Variants in MARK1 observed in about 807,000 individuals in gnomAD.
MARK1 encodes serine/threonine-protein kinase MARK1.
A neutral mutation model predicts 96.3 loss-of-function variants in MARK1; 40 were observed. That is an observed-to-expected ratio of 0.42 (90% CI 0.32 to 0.54). MARK1 has a LOEUF of 0.54. MARK1 is among the 20% of genes least tolerant of loss of function. The pLI is 0.16. For missense variants in MARK1, 719 were observed against 984.6 expected (o/e 0.73, Z 3.61); for synonymous variants, 317 against 341.2 (o/e 0.93, Z 0.78).
Position 220,618,436 on chromosome 1 carries a change from C to G in MARK1, c.679C>G (p.Leu227Val). 1 of 1,614,146 alleles carries G rather than the reference C, an allele frequency of 6.2e-7. No homozygotes were observed. Among genetic ancestry groups the G allele is most frequent in the Non-Finnish European group, 8.5e-7 (1 of 1,180,020 alleles). The change falls in exon 8 of 18, where the codon CTT (leucine) becomes GTT (valine). Residue 227 changes from leucine (L) to valine (V), a missense_variant. Leu to Val is a conservative substitution (Grantham distance 32). This residue lies in a region of MARK1 where 96 missense variants were observed against 213.1 expected (regional missense o/e 0.45). Coordinates refer to ENST00000366917, the MANE Select transcript of MARK1 (RefSeq NM_018650.5). The surrounding 1 kb of genome is among the most constrained non-coding windows in gnomAD (Gnocchi z 4.6). Reference sequence around the variant, plus strand: ...AAGCCCACCCTATGCTGCTCCCGAGCTTTTCCAAGGAAAGAAGTATGATGG... The same window carrying G: ...AAGCCCACCCTATGCTGCTCCCGAGGTTTTCCAAGGAAAGAAGTATGATGG... The part of the protein sequence containing the change: ...CGSPPYAAPE[L>V]FQGKKYDGPE...
intron 7 of MARK1, among the ~76,000 whole-genome samples, chr1:220,616,988 C>A (rs1666790107): frequency 6.6e-6 from 1 of 152,142 alleles, no homozygotes; most frequent in East Asian, 1.9e-4. Context: ...CCTCAGAACC[C>A]CTTGCAGCTC....
intron 1 of MARK1, among the ~76,000 whole-genome samples, chr1:220,533,004 C>CT (rs57552621): frequency 0.32 from 17,115 of 53,948 alleles, 1,124 homozygotes; most frequent in Non-Finnish European, 0.39. Flanking sequence ...AGTGTGAACC[C>CT]TTTTTTTTAA....
chr1:220,586,605 T>G (rs932148407), intron 3 of MARK1, among the ~76,000 whole-genome samples: 1 of 152,006 alleles, frequency 6.6e-6, no homozygotes, highest in Non-Finnish European at 1.5e-5. Context: ...TACCTCTAAC[T>G]CCAAAAACCT....
intron 1 of MARK1, among the ~76,000 whole-genome samples, chr1:220,543,575 T>A (rs1661287750): frequency 6.6e-6 from 1 of 152,162 alleles, no homozygotes; most frequent in South Asian, 2.1e-4. Flanking sequence ...GTTCTCTAAT[T>A]CTTCTGCGTA....
chr1:220,592,245 A>C (rs957981595), intron 3 of MARK1, among the ~76,000 whole-genome samples: 4 of 146,956 alleles, frequency 2.7e-5, no homozygotes, highest in Non-Finnish European at 6.0e-5. Flanking sequence ...ATATTATATT[A>C]TATTATATTA....
At chr1:220,560,783 T>A (rs1400405155) in intron 1 of MARK1, among the ~76,000 whole-genome samples, 1 of 152,222 alleles carries the variant, frequency 6.6e-6, no homozygotes, top group Non-Finnish European at 1.5e-5. Context: ...TATTTTCAGG[T>A]CATGGTTGAC....
chr1:220,579,425 C>A lies in MARK1; in HGVS notation c.123C>A (p.Pro41=), dbSNP rs565853487. 2 of 1,614,016 alleles carry A rather than the reference C, an allele frequency of 1.2e-6. No individual in the cohort carries two copies. Among genetic ancestry groups the A allele is most frequent in the Admixed American group, 3.3e-5 (2 of 60,014 alleles). ...PTKSSSRQNI[P]RCRNSITSAT... is the part of the protein sequence containing the mutation. ...AGTCGAGTAGCAGACAGAACATCCC[C>A]CGGTGTAGAAACTCCATTACGTCAG... is the stretch of plus-strand genomic sequence containing the variant. The change falls in exon 2 of 18, where the codon CCC becomes CCA. Residue 41 remains proline (P), a synonymous_variant. Transcript: ENST00000366917.
At chr1:220,628,366 A>G (rs1219121196) in intron 9 of MARK1, among the ~76,000 whole-genome samples, 2 of 152,012 alleles carry the variant, frequency 1.3e-5, no homozygotes, top group Non-Finnish European at 2.9e-5. Context: ...CACTTAAACC[A>G]TCACCCATTC....
intron 1 of MARK1, among the ~76,000 whole-genome samples, chr1:220,557,396 G>A (rs979108801): frequency 6.6e-6 from 1 of 151,932 alleles, no homozygotes; most frequent in African/African-American, 2.4e-5. Flanking sequence ...GTGAAACCCT[G>A]TCTCTGTTAA....
intron 1 of MARK1, among the ~76,000 whole-genome samples, chr1:220,562,455 G>A (rs995097259): frequency 1.3e-5 from 2 of 152,152 alleles, no homozygotes; most frequent in Admixed American, 1.3e-4. Context: ...AGGTGACAGA[G>A]CGAGAAGTCT....
chr1:220,652,205 AC>A, intron 15 of MARK1, 55 bp downstream of exon 15: 1 of 1,408,122 alleles, frequency 7.1e-7, no homozygotes, highest in South Asian at 1.4e-5. Context: ...AAAATATAGC[AC>A]CATGTGAAAA....
chr1:220,583,870 G>T (rs1272620595), intron 3 of MARK1, among the ~76,000 whole-genome samples: 1 of 123,486 alleles, frequency 8.1e-6, no homozygotes, highest in East Asian at 2.4e-4. Context: ...GATTCACCAT[G>T]TTGGCCAGGA....
rs2102969590 is a variant in MARK1 at position 220,618,256 on chromosome 1, A to G, written c.553-54A>G. The stretch of plus-strand genomic sequence containing the variant: ...TGGAAGCTAAAACTCTTTTACAAAT[A>G]TTTTTATTTTATGTAGGCTTTTTAC... On this transcript the variant is annotated intron_variant, in intron 7 of 17. Transcript: ENST00000366917. This position sits in a 1 kb window ranked among gnomAD's most constrained non-coding sequence, Gnocchi z 4.6. 8.7e-7 allele frequency: 1 copy of G among 1,150,666 alleles called. No homozygotes were observed. Among genetic ancestry groups the G allele is most frequent in the East Asian group, 2.4e-5 (1 of 42,530 alleles). 71.3% of individuals were successfully genotyped at this position (1,150,666 alleles called of 1,614,324 possible). A position where few individuals can be genotyped will look rare whatever the true frequency, so the allele number is the denominator to read the frequency against.
intron 1 of MARK1, among the ~76,000 whole-genome samples, chr1:220,568,655 G>A (rs1482845866): frequency 6.6e-6 from 1 of 152,144 alleles, no homozygotes; most frequent in Admixed American, 6.6e-5. Context: ...CAGTCCCCTA[G>A]CTCCCTTTTC....
chr1:220,553,458 C>T (rs1073461), intron 1 of MARK1, among the ~76,000 whole-genome samples: 129,045 of 152,180 alleles, frequency 0.85, 57,813 homozygotes, highest in East Asian at 0.99. Context: ...TGAGGCCATA[C>T]TTGTTGATTT....
At chr1:220,572,402 T>C (rs1856178) in intron 1 of MARK1, among the ~76,000 whole-genome samples, 143,395 of 152,142 alleles carry the variant, frequency 0.94, 68,200 homozygotes, top group East Asian at 1. Context: ...CCACCACACC[T>C]GGCTAATTTT....
chr1:220,592,809 G>A (rs1255702974), intron 3 of MARK1, among the ~76,000 whole-genome samples: 1 of 152,198 alleles, frequency 6.6e-6, no homozygotes, highest in Admixed American at 6.5e-5. Flanking sequence ...AGCATTATGG[G>A]TGCACAGATG....
At chr1:220,571,326 G>A (rs984279575) in intron 1 of MARK1, among the ~76,000 whole-genome samples, 4 of 152,118 alleles carry the variant, frequency 2.6e-5, no homozygotes, top group African/African-American at 9.7e-5. Context: ...AAAAAATAAG[G>A]TAGTTTCATT....
chr1:220,635,953 T>G lies in MARK1; in HGVS notation c.1397T>G (p.Val466Gly). 1.9e-6 allele frequency: 3 copies of G among 1,613,812 alleles called. No homozygotes were observed. Among genetic ancestry groups the G allele is most frequent in the Non-Finnish European group, 2.5e-6 (3 of 1,179,928 alleles). The change falls in exon 13 of 18, where the codon GTT (valine) becomes GGT (glycine). Residue 466 changes from valine to glycine, a missense_variant. By Grantham distance (109) the Val-to-Gly change is moderately radical. This residue lies in a region of MARK1 where 501 missense variants were observed against 588.3 expected (regional missense o/e 0.85). Transcript: ENST00000366917. ...DVARKLGSTT[V>G]GSKSEMTASP... is the part of the protein sequence containing the mutation. ...GCTCGAAAACTTGGCAGCACAACAG[T>G]TGGATCAAAAAGCGAGATGACTGCA...
Sources: gnomAD v4.1 joint callset for allele counts (sites outside exome capture counted in the v4.1 genomes callset) on GRCh38, gnomAD v4.1.1 for gene constraint, gnomAD v4.1.1 regional missense constraint, Gnocchi (gnomAD v3.1) non-coding constraint, MANE v1.5 for transcripts, NCBI Gene and HGNC (gene_info 2026-07-23, HGNC 2026-07-21) for gene names.